Variants in DLC1 observed in about 807,000 individuals in gnomAD.
DLC1 encodes the protein rho GTPase-activating protein 7.
Under a neutral mutation model 140.3 loss-of-function variants are expected in DLC1, and 54 were observed. That is an observed-to-expected ratio of 0.38 (90% CI 0.31 to 0.48). The LOEUF (loss-of-function observed/expected upper bound fraction) is 0.48. DLC1 is among the 20% of genes least tolerant of loss of function. DLC1 has a pLI of 0.96. For missense variants in DLC1, 2,536 were observed against 1,907.0 expected (o/e 1.33, Z -6.14); for synonymous variants, 986 against 728.1 (o/e 1.35, Z -5.70).
intron 5 of DLC1, among the ~76,000 whole-genome samples, chr8:13,169,552 T>C (rs900628539): frequency 6.6e-6 from 1 of 152,160 alleles, no homozygotes; most frequent in African/African-American, 2.4e-5. Flanking sequence ...AGGGGGTACT[T>C]AGGTTTCAGT....
At chr8:13,581,734 C>G (rs376239817) in intron 1 of DLC1, among the ~76,000 whole-genome samples, 2 of 152,126 alleles carry the variant, frequency 1.3e-5, no homozygotes, top group African/African-American at 2.4e-5. Context: ...TCTATTCTAT[C>G]GCTTCCCATA....
At chr8:13,278,652 T>C (rs751535100) in intron 5 of DLC1, among the ~76,000 whole-genome samples, 29 of 152,274 alleles carry the variant, frequency 1.9e-4, no homozygotes, top group Non-Finnish European at 3.8e-4. Flanking sequence ...AGATCTATGA[T>C]AAAGTTAGGG....
chr8:13,566,778 G>A (rs969880281), intron 1 of DLC1: 2 of 613,832 alleles, frequency 3.3e-6, no homozygotes, highest in African/African-American at 3.7e-5. Flanking sequence ...GCGCTGGGGA[G>A]CGCGGAGGAA....
At chr8:13,369,355 G>GAAA (rs1333516845) in intron 4 of DLC1, among the ~76,000 whole-genome samples, 39 of 135,958 alleles carry the variant, frequency 2.9e-4, no homozygotes, top group Admixed American at 4.5e-4. Flanking sequence ...TGGCTGGGTC[G>GAAA]AAAAAAAAAA....
chr8:13,209,040 T>C (rs1215873898), intron 5 of DLC1, among the ~76,000 whole-genome samples: 1 of 152,162 alleles, frequency 6.6e-6, no homozygotes, highest in Non-Finnish European at 1.5e-5. Context: ...AAGAATAACT[T>C]GATGACTTTG....
chr8:13,583,423 A>G (rs559690601), intron 1 of DLC1, among the ~76,000 whole-genome samples: 2 of 152,252 alleles, frequency 1.3e-5, no homozygotes, highest in South Asian at 2.1e-4. Context: ...TTCTCACAAG[A>G]TTGCAGCAAG....
chr8:13,260,117 A>T lies in DLC1; in HGVS notation c.1348+45152T>A, dbSNP rs558145518. Among the ~76,000 whole-genome samples, 9 of 152,340 alleles carry T rather than the reference A, an allele frequency of 5.9e-5. No homozygotes were observed. The South Asian group carries it at 1.9e-3, about 32-fold the overall frequency. On this transcript the variant is annotated intron_variant, in intron 5 of 17. Transcript: ENST00000276297. ...ACAGCAAGGAGACAGGAATGGCTAA[A>T]TAGAACCTTTCCAGATAACAGAAAA... is the stretch of plus-strand genomic sequence containing the variant.
chr8:13,431,352 G>T (rs943278651), intron 2 of DLC1, among the ~76,000 whole-genome samples: 71 of 151,528 alleles, frequency 4.7e-4, no homozygotes, highest in African/African-American at 1.7e-3. Flanking sequence ...GCGAGGTGAC[G>T]GGTGCCTGTA....
At chr8:13,585,801 C>T (rs369903389) in intron 1 of DLC1, among the ~76,000 whole-genome samples, 1 of 152,166 alleles carries the variant, frequency 6.6e-6, no homozygotes, top group Non-Finnish European at 1.5e-5. Flanking sequence ...TCCAAATTTT[C>T]CCTCTTCATA....
chr8:13,493,802 C>A (rs902313749), intron 2 of DLC1, among the ~76,000 whole-genome samples: 1 of 152,026 alleles, frequency 6.6e-6, no homozygotes, highest in Non-Finnish European at 1.5e-5. Flanking sequence ...TTTATGTCAC[C>A]CATTGGTCAA....
intron 5 of DLC1, among the ~76,000 whole-genome samples, chr8:13,219,035 T>TAC (rs1394771167): frequency 0.028 from 1,050 of 37,920 alleles, 313 homozygotes; most frequent in African/African-American, 0.14. Context: ...TATAATTATG[T>TAC]GAATATAATT....
intron 5 of DLC1, among the ~76,000 whole-genome samples, chr8:13,194,043 G>A (rs1260839281): frequency 6.6e-6 from 1 of 152,180 alleles, no homozygotes; most frequent in African/African-American, 2.4e-5. Context: ...CAATGATAGA[G>A]AGTGGCTAGG....
At chr8:13,120,356 A>AAAAAAAAAAAATATATAT in intron 5 of DLC1, among the ~76,000 whole-genome samples, 2 of 61,124 alleles carry the variant, frequency 3.3e-5, no homozygotes, top group African/African-American at 8.3e-5. Context: ...AAAAAAAAAA[A>AAAAAAAAAAAATATATAT]ATATATATAT....
At chr8:13,424,949 A>C (rs1446501333) in intron 2 of DLC1, among the ~76,000 whole-genome samples, 1 of 152,176 alleles carries the variant, frequency 6.6e-6, no homozygotes, top group Non-Finnish European at 1.5e-5. Flanking sequence ...ATGGAATATA[A>C]ATGGCTATAA....
chr8:13,602,893 A>G (rs1389029485), intron 1 of DLC1, among the ~76,000 whole-genome samples: 2 of 151,888 alleles, frequency 1.3e-5, no homozygotes, highest in Non-Finnish European at 2.9e-5. Context: ...ATACATTTCT[A>G]TTTGTCATCG....
chr8:13,458,110 A>G (rs751298002), intron 2 of DLC1, among the ~76,000 whole-genome samples: 3 of 152,194 alleles, frequency 2.0e-5, no homozygotes, highest in Non-Finnish European at 4.4e-5. Context: ...CCATTTTATA[A>G]AAGAAAGTAG....
chr8:13,450,332 G>A (rs1563356914), intron 2 of DLC1, among the ~76,000 whole-genome samples: 1 of 150,850 alleles, frequency 6.6e-6, no homozygotes, highest in Non-Finnish European at 1.5e-5. Context: ...GCGGGTGACT[G>A]TAATCCTAGC....
intron 4 of DLC1, among the ~76,000 whole-genome samples, chr8:13,337,898 A>C (rs1833874549): frequency 6.6e-6 from 1 of 152,158 alleles, no homozygotes; most frequent in Admixed American, 6.5e-5. Flanking sequence ...TCCATGAAAA[A>C]AATCCCCATA....
intron 2 of DLC1, among the ~76,000 whole-genome samples, chr8:13,452,389 C>G (rs945922023): frequency 1.3e-5 from 2 of 152,024 alleles, no homozygotes; most frequent in Non-Finnish European, 2.9e-5. Flanking sequence ...TTATGTTATC[C>G]TATCTATGGA....
Sources: gnomAD v4.1 joint callset for allele counts (sites outside exome capture counted in the v4.1 genomes callset) on GRCh38, gnomAD v4.1.1 for gene constraint, MANE v1.5 for transcripts, NCBI Gene and HGNC (gene_info 2026-07-23, HGNC 2026-07-21) for gene names.